Variants in ZNF875 observed in about 807,000 individuals in gnomAD.
ZNF875 encodes HKR1, GLI-Kruppel zinc finger family member.
In ZNF875, 14 loss-of-function variants were observed where a neutral mutation model predicts 11.2. That is an observed-to-expected ratio of 1.26 (90% CI 0.83 to 1.96). The LOEUF is 1.96. Ranked by LOEUF, ZNF875 falls within the 30% of genes most tolerant of loss-of-function variation. ZNF875 has a pLI of 0.00. For missense variants in ZNF875, 752 were observed against 760.4 expected, an observed-to-expected ratio of 0.99 and a Z score of 0.13; for synonymous variants, 301 against 281.1, an observed-to-expected ratio of 1.07 and a Z score of -0.71.
rs57082213 is a variant in ZNF875, at chr19:37,360,821, G to A, written c.257-1288G>A. 3.6e-3 allele frequency among the ~76,000 whole-genome samples: 553 copies of A among 151,996 alleles called. 4 individuals carry two copies. Among genetic ancestry groups the A allele is most frequent in the African/African-American group, 0.013 (546 of 41,476 alleles). On this transcript the variant is annotated intron_variant, in intron 4 of 4. Coordinates refer to ENST00000392153, the MANE Select transcript of ZNF875 (RefSeq NM_001353803.2). ...TTAATTTTCAGTTTACAAACTTTGT[G>A]CTACTTTGTCACATTTATTCCTTAG...
intron 3 of ZNF875, among the ~76,000 whole-genome samples, chr19:37,323,963 CT>C (rs1313606541): frequency 6.6e-6 from 1 of 152,148 alleles, no homozygotes; most frequent in Non-Finnish European, 1.5e-5. Context: ...TGGAAACATT[CT>C]GTCTGTTTAG....
At chr19:37,355,086 T>C (rs2038660410) in intron 4 of ZNF875, among the ~76,000 whole-genome samples, 2 of 152,226 alleles carry the variant, frequency 1.3e-5, no homozygotes, top group African/African-American at 4.8e-5. Flanking sequence ...ATGTGCTCTT[T>C]TGCATGCATA....
upstream of ZNF875, among the ~76,000 whole-genome samples, chr19:37,313,852 G>T (rs2030067287): frequency 6.6e-6 from 1 of 151,498 alleles, no homozygotes. Context: ...TCTTTTTCTT[G>T]TACATCTTTA....
At chr19:37,348,355 C>T (rs2037227415) in intron 4 of ZNF875, among the ~76,000 whole-genome samples, 2 of 152,156 alleles carry the variant, frequency 1.3e-5, no homozygotes, top group African/African-American at 2.4e-5. Context: ...CCTAAACAGT[C>T]GAAACCCCTA....
chr19:37,357,749 A>T (rs2039152504), intron 4 of ZNF875, among the ~76,000 whole-genome samples: 1 of 150,968 alleles, frequency 6.6e-6, no homozygotes, highest in South Asian at 2.1e-4. Flanking sequence ...TTTTGGAGGG[A>T]CCTTTAGAGT....
At chr19:37,317,643 G>T (rs770378811), upstream of ZNF875, among the ~76,000 whole-genome samples, 1 of 152,224 alleles carries the variant, frequency 6.6e-6, no homozygotes, top group Non-Finnish European at 1.5e-5. Flanking sequence ...TTGGCGCAGC[G>T]GGTAGACGTT....
upstream of ZNF875, among the ~76,000 whole-genome samples, chr19:37,316,627 C>T (rs769172984): frequency 2.0e-5 from 3 of 151,630 alleles, no homozygotes; most frequent in Admixed American, 6.6e-5. Context: ...GCCTCGGCCT[C>T]CCAAAGTGCT....
At chr19:37,360,236 A>C (rs565973932) in intron 4 of ZNF875, among the ~76,000 whole-genome samples, 11 of 152,186 alleles carry the variant, frequency 7.2e-5, no homozygotes, top group Non-Finnish European at 1.2e-4. Flanking sequence ...CTGACTGTGA[A>C]TCTAAGTGTT....
intron 1 of ZNF875, among the ~76,000 whole-genome samples, chr19:37,319,324 G>T: frequency 8.4e-6 from 1 of 118,676 alleles, no homozygotes; most frequent in Non-Finnish European, 1.7e-5. Context: ...GGGATTACAG[G>T]TGTGCTCCAC....
chr19:37,320,669 C>T (rs1281096631), intron 1 of ZNF875, among the ~76,000 whole-genome samples: 1 of 152,190 alleles, frequency 6.6e-6, no homozygotes, highest in Non-Finnish European at 1.5e-5. Context: ...CTGGAACCAT[C>T]TGGAGGCTTG....
chr19:37,351,605 T>G (rs2037913254), intron 4 of ZNF875, among the ~76,000 whole-genome samples: 1 of 152,190 alleles, frequency 6.6e-6, no homozygotes, highest in African/African-American at 2.4e-5. Context: ...CCTACAACTT[T>G]TGGTGTGTTG....
chr19:37,331,135 C>G (rs535113135), upstream of ZNF875, among the ~76,000 whole-genome samples: 7 of 136,860 alleles, frequency 5.1e-5, no homozygotes, highest in East Asian at 8.9e-4. Context: ...TGCAGTGAGC[C>G]GAGATGGCAC....
chr19:37,329,484 C>T (rs1311190909), intron 4 of ZNF875, among the ~76,000 whole-genome samples: 13 of 152,122 alleles, frequency 8.5e-5, no homozygotes, highest in Non-Finnish European at 4.4e-5. Context: ...TTTATCTCCT[C>T]GTTGACTTCA....
intron 4 of ZNF875, chr19:37,328,815 G>A (rs2032940910): frequency 6.6e-6 from 1 of 152,166 alleles, no homozygotes; most frequent in African/African-American, 2.4e-5. Context: ...TGAGTGTCTC[G>A]AAGGCTTTTA....
At chr19:37,354,656 T>C (rs1482097862) in intron 4 of ZNF875, among the ~76,000 whole-genome samples, 1 of 152,198 alleles carries the variant, frequency 6.6e-6, no homozygotes, top group Non-Finnish European at 1.5e-5. Flanking sequence ...CATGGTGAAA[T>C]TTAATTGCCA....
intron 4 of ZNF875, 107 bp downstream of exon 4, chr19:37,347,979 C>T: frequency 3.0e-6 from 2 of 670,252 alleles, no homozygotes; most frequent in Non-Finnish European, 5.4e-6. Context: ...GCCTCCTAAG[C>T]CAAGAGAAAC....
upstream of ZNF875, among the ~76,000 whole-genome samples, chr19:37,314,158 G>A (rs753200446): frequency 4.0e-5 from 6 of 151,894 alleles, no homozygotes; most frequent in Non-Finnish European, 8.8e-5. Flanking sequence ...TTTCACCCAC[G>A]ATGGAGTGCC....
chr19:37,335,030 C>A (rs2034043956), intron 1 of ZNF875, 139 bp from the exon 2 acceptor site: 1 of 566,842 alleles, frequency 1.8e-6, no homozygotes, highest in South Asian at 1.9e-5. Flanking sequence ...CCTGGCCCCC[C>A]ACTGGATGGG....
chr19:37,347,562 C>T, intron 3 of ZNF875: 1 of 610,868 alleles, frequency 1.6e-6, no homozygotes, highest in Admixed American at 3.0e-5. Context: ...TATTTTGCTT[C>T]AAACCCAGGA....
Sources: gnomAD v4.1 joint callset for allele counts (sites outside exome capture counted in the v4.1 genomes callset) on GRCh38, gnomAD v4.1.1 for gene constraint, MANE v1.5 for transcripts, NCBI Gene and HGNC (gene_info 2026-07-23, HGNC 2026-07-21) for gene names.